The following DPH3 variants were observed in gnomAD, a reference collection of about 807,000 sequenced individuals.
DPH3 encodes the protein diphthamide biosynthesis protein 3.
Under a neutral mutation model 10.2 loss-of-function variants are expected in DPH3, and 8 were observed. The observed-to-expected ratio is 0.79, with a 90% CI of 0.46 to 1.42. The LOEUF is 1.42. Among genes scored for constraint, DPH3 ranks in the 40% most tolerant of loss-of-function variants. The pLI, the probability that DPH3 is intolerant of heterozygous loss-of-function variation, is 0.00. For synonymous variants in DPH3, 35 were observed against 35.6 expected, an observed-to-expected ratio of 0.98 and a Z score of 0.06; for missense variants, 96 against 98.9, an observed-to-expected ratio of 0.97 and a Z score of 0.12.
rs1396441984 is a variant in DPH3, at chr3:16,264,708, G to A, written c.108+61C>T. On this transcript the variant is annotated intron_variant, in intron 1 of 2. Coordinates refer to ENST00000488423, the MANE Select transcript of DPH3 (RefSeq NM_206831.3). ...AGCAAAGGCTACCCAATGATGGAAG[G>A]AACGGGCGGAACCAAACTGCGCTTG... 4.0e-6 allele frequency: 6 copies of A among 1,514,874 alleles called. No homozygotes were observed. In the East Asian group the frequency reaches 9.1e-5, roughly 23 times the overall value. 93.8% of individuals were successfully genotyped at this position (1,514,874 alleles called of 1,614,324 possible).
At position 16,260,261 on chromosome 3, in the gene DPH3, C is replaced by G. The variant is rs2064283977; in HGVS notation, c.*503G>C. On this transcript the variant is annotated 3_prime_UTR_variant, in exon 3 of 3. Coordinates refer to ENST00000488423, the MANE Select transcript of DPH3 (RefSeq NM_206831.3). ...CATTCTAATGGGAAAACTGAGGAGA[C>G]TGGCTTGGTATAGAAACTGGAAGTG... 1 of 154,570 alleles carries G rather than the reference C, an allele frequency of 6.5e-6. No individual in the cohort carries two copies. Among genetic ancestry groups the G allele is most frequent in the African/African-American group, 2.4e-5 (1 of 41,446 alleles). The allele number at this position is 154,570 out of a possible 1,614,324, so 9.6% of individuals were successfully genotyped here. A position where few individuals can be genotyped will look rare whatever the true frequency, so the allele number is the denominator to read the frequency against.
Position 16,257,345 on chromosome 3 carries a change from C to T in DPH3, c.*3419G>A, listed in dbSNP as rs2064256919. The stretch of plus-strand genomic sequence containing the variant: ...AGTCACCTGACCCAGTTACTCTCTC[C>T]CACATCACCTGGTTTGTTTCCTTGG... On this transcript the variant is annotated 3_prime_UTR_variant, in exon 3 of 3. Coordinates refer to ENST00000488423, the MANE Select transcript of DPH3 (RefSeq NM_206831.3). Among the ~76,000 whole-genome samples the T allele has an allele frequency of 6.6e-6, 1 of 152,224 alleles. No individual in the cohort carries two copies. Among genetic ancestry groups the T allele is most frequent in the African/African-American group, 2.4e-5 (1 of 41,464 alleles).
In DPH3 at chr3:16,258,643, G is replaced by A. The variant is rs145305695; in HGVS notation, c.*2121C>T. ...ATTAAAAGAAGATTTTTTAGAGACA[G>A]GGTCTTTCTATGTTGCCCAGGCTAG... On this transcript the variant is annotated 3_prime_UTR_variant, in exon 3 of 3. Coordinates refer to ENST00000488423, the MANE Select transcript of DPH3 (RefSeq NM_206831.3). 1 of 152,282 alleles carries A rather than the reference G, an allele frequency of 6.6e-6. No individual in the cohort carries two copies. The highest frequency in any genetic ancestry group is 2.4e-5 in the African/African-American group (1 of 41,532). 9.4% of individuals were successfully genotyped at this position (152,282 alleles called of 1,614,324 possible).
rs1422585541 is a variant in DPH3, at chr3:16,263,426, C to T, written c.183+729G>A. ...AGACCAGCACTCCTGATCTTCCTTA[C>T]CGTTTGCTTTCTGTTGCAGAGCACA... On this transcript the variant is annotated intron_variant, in intron 2 of 2. Coordinates refer to ENST00000488423, the MANE Select transcript of DPH3 (RefSeq NM_206831.3). The surrounding 1 kb of genome is among the most constrained non-coding windows in gnomAD (Gnocchi z 4.0). Among the ~76,000 whole-genome samples the T allele has an allele frequency of 6.6e-6, 1 of 152,180 alleles. No individual in the cohort carries two copies. Among genetic ancestry groups the T allele is most frequent in the East Asian group, 1.9e-4 (1 of 5,198 alleles).
rs375882429 is a variant in DPH3 at position 16,264,246 on chromosome 3, T to C, written c.109-17A>G. The C allele has an allele frequency of 8.8e-6, 14 of 1,593,238 alleles. No homozygotes were observed. The African/African-American group carries it at 1.9e-4, about 21-fold the overall frequency. On this transcript the variant is annotated splice_polypyrimidine_tract_variant and intron_variant, in intron 1 of 2. Transcript: ENST00000488423. ...CAAATCTTCCTACAACGAAATCAAA[T>C]ACCATGTGGTCAGGATAGCTTCTCT...
chr3:16,264,577 C>A lies in DPH3; in HGVS notation c.108+192G>T, dbSNP rs543661867. 4.8e-6 allele frequency: 3 copies of A among 629,400 alleles called. No individual in the cohort carries two copies. The East Asian group carries it at 8.3e-5, about 17-fold the overall frequency. 39.0% of individuals were successfully genotyped at this position (629,400 alleles called of 1,614,324 possible). On this transcript the variant is annotated intron_variant, in intron 1 of 2. Transcript: ENST00000488423. ...ACCCTCTCCCTGACCTAATCTAAGGCCAGAACTGCGTGCCTACCGAGAGAG... is the reference window on the plus strand; with the variant it reads ...ACCCTCTCCCTGACCTAATCTAAGGACAGAACTGCGTGCCTACCGAGAGAG...
Position 16,262,888 on chromosome 3 carries a change from C to T in DPH3, c.183+1267G>A, listed in dbSNP as rs533725674. On this transcript the variant is annotated intron_variant, in intron 2 of 2. Transcript: ENST00000488423. This position sits in a 1 kb window ranked among gnomAD's most constrained non-coding sequence, Gnocchi z 4.7. ...CCTATATCCAATCAGTTATTCAAAG[C>T]GTATCCAGAATCTAAGTACTTCTCA... Among the ~76,000 whole-genome samples the T allele has an allele frequency of 2.2e-4, 33 of 152,232 alleles. No homozygotes were observed. The highest frequency in any genetic ancestry group is 1.3e-3 in the Admixed American group (20 of 15,302).
In DPH3 at chr3:16,261,356, AG is replaced by A. The variant is rs1310730685; in HGVS notation, c.184-528del. ...CTACCACCAAAAATCTCTGCTTCCA[AG>A]GTTATCCCTCACCTCCAGCAATCTG... On this transcript the variant is annotated intron_variant, in intron 2 of 2. Transcript: ENST00000488423. This position sits in a 1 kb window ranked among gnomAD's most constrained non-coding sequence, Gnocchi z 7.1. Among the ~76,000 whole-genome samples, 1 of 152,168 alleles carries A rather than the reference AG, an allele frequency of 6.6e-6. No homozygotes were observed. The highest frequency in any genetic ancestry group is 1.5e-5 in the Non-Finnish European group (1 of 68,026).
In DPH3 at chr3:16,259,906, A is replaced by G. The variant is rs1329352965; in HGVS notation, c.*858T>C. The G allele has an allele frequency of 6.6e-6, 1 of 152,342 alleles. No individual in the cohort carries two copies. Among genetic ancestry groups the G allele is most frequent in the East Asian group, 1.9e-4 (1 of 5,186 alleles). The allele number at this position is 152,342 out of a possible 1,614,324, so 9.4% of individuals were successfully genotyped here. A position where few individuals can be genotyped will look rare whatever the true frequency, so the allele number is the denominator to read the frequency against. On this transcript the variant is annotated 3_prime_UTR_variant, in exon 3 of 3. Coordinates refer to ENST00000488423, the MANE Select transcript of DPH3 (RefSeq NM_206831.3). ...CATTAGCCTTATCAAAACACAAACAAAAACTCAGATACAGAAATATTACTT... is the reference window on the plus strand; with the variant it reads ...CATTAGCCTTATCAAAACACAAACAGAAACTCAGATACAGAAATATTACTT...
Position 16,259,019 on chromosome 3 carries a change from A to C in DPH3, c.*1745T>G, listed in dbSNP as rs1167803121. The C allele has an allele frequency of 6.6e-6, 1 of 152,206 alleles. No homozygotes were observed. The highest frequency in any genetic ancestry group is 6.5e-5 in the Admixed American group (1 of 15,284). The allele number at this position is 152,206 out of a possible 1,614,324, so 9.4% of individuals were successfully genotyped here. A position where few individuals can be genotyped will look rare whatever the true frequency, so the allele number is the denominator to read the frequency against. ...CTATGTTCTTAGCAAACCCACATCA[A>C]GGGTGTCTGTTCGTGTTTGAAACTC... On this transcript the variant is annotated 3_prime_UTR_variant, in exon 3 of 3. Transcript: ENST00000488423.
intron 1 of DPH3, 64 bp from the exon 2 acceptor site, chr3:16,264,293 C>CTAT: frequency 7.5e-7 from 1 of 1,330,982 alleles, no homozygotes; most frequent in Non-Finnish European, 1.0e-6. Context: ...TCCCCCAAAC[C>CTAT]TATCCCACCC....
At chr3:16,264,510 C>T (rs757815785) in intron 1 of DPH3, 2 of 569,866 alleles carry the variant, frequency 3.5e-6, no homozygotes, top group Non-Finnish European at 6.2e-6. Flanking sequence ...CAGGTTGGGA[C>T]CCTAAGGCAG....
rs1013198208 is a variant in DPH3, at chr3:16,262,628, A to G, written c.183+1527T>C. 6.6e-6 allele frequency among the ~76,000 whole-genome samples: 1 copy of G among 152,190 alleles called. No individual in the cohort carries two copies. Among genetic ancestry groups the G allele is most frequent in the African/African-American group, 2.4e-5 (1 of 41,442 alleles). The stretch of plus-strand genomic sequence containing the variant: ...ATCCAATCTCATGGCTCTAAATGCT[A>G]TCTGTTACTGATAACTCCCAAATTG... On this transcript the variant is annotated intron_variant, in intron 2 of 2. Transcript: ENST00000488423. The surrounding 1 kb of genome is among the most constrained non-coding windows in gnomAD (Gnocchi z 4.7).
intron 2 of DPH3, 114 bp downstream of exon 2, chr3:16,264,041 G>A: frequency 5.5e-6 from 3 of 547,330 alleles, no homozygotes; most frequent in South Asian, 6.9e-5. Flanking sequence ...AAAAAATACC[G>A]CACTTTACCT....
rs859703 is a variant in DPH3, at chr3:16,262,332, G to A, written c.184-1503C>T. On this transcript the variant is annotated intron_variant, in intron 2 of 2. Coordinates refer to ENST00000488423, the MANE Select transcript of DPH3 (RefSeq NM_206831.3). The surrounding 1 kb of genome is among the most constrained non-coding windows in gnomAD (Gnocchi z 4.7). The stretch of plus-strand genomic sequence containing the variant: ...CTCCATGGAAACTGCTCTCATCTCC[G>A]TCACAGATGAACTCAGTGTTGCTAA... 0.47 allele frequency among the ~76,000 whole-genome samples: 71,636 copies of A among 152,028 alleles called. 17,156 individuals are homozygous for A. The highest frequency in any genetic ancestry group is 0.55 in the African/African-American group (23,001 of 41,444).
In DPH3 at chr3:16,258,662, A is replaced by T. The variant is rs1168332666; in HGVS notation, c.*2102T>A. The stretch of plus-strand genomic sequence containing the variant: ...GAGACAGGGTCTTTCTATGTTGCCC[A>T]GGCTAGTCTTGAACTCCTGGCCTCA... On this transcript the variant is annotated 3_prime_UTR_variant, in exon 3 of 3. Coordinates refer to ENST00000488423, the MANE Select transcript of DPH3 (RefSeq NM_206831.3). 1 of 152,204 alleles carries T rather than the reference A, an allele frequency of 6.6e-6. No homozygotes were observed. Among genetic ancestry groups the T allele is most frequent in the Non-Finnish European group, 1.5e-5 (1 of 68,054 alleles). The allele number at this position is 152,204 out of a possible 1,614,324, so 9.4% of individuals were successfully genotyped here.
In DPH3 at chr3:16,262,773, T is replaced by C. The variant is rs1306309218; in HGVS notation, c.183+1382A>G. Reference sequence around the variant, plus strand: ...TGTACAATTTCAACCCCTATACCTATAGTTACATTCCCTCAATTGACAGTA... The same window carrying C: ...TGTACAATTTCAACCCCTATACCTACAGTTACATTCCCTCAATTGACAGTA... On this transcript the variant is annotated intron_variant, in intron 2 of 2. Transcript: ENST00000488423. This position sits in a 1 kb window ranked among gnomAD's most constrained non-coding sequence, Gnocchi z 4.7. 1.3e-5 allele frequency among the ~76,000 whole-genome samples: 2 copies of C among 152,206 alleles called. No homozygotes were observed. The highest frequency in any genetic ancestry group is 6.5e-5 in the Admixed American group (1 of 15,278).
In DPH3 at chr3:16,260,182, A is replaced by G. The variant is rs2124931736; in HGVS notation, c.*582T>C. The G allele has an allele frequency of 6.6e-6, 1 of 152,354 alleles. No homozygotes were observed. Among genetic ancestry groups the G allele is most frequent in the East Asian group, 1.9e-4 (1 of 5,194 alleles). 9.4% of individuals were successfully genotyped at this position (152,354 alleles called of 1,614,324 possible). On this transcript the variant is annotated 3_prime_UTR_variant, in exon 3 of 3. Transcript: ENST00000488423. ...ACTGTATTTTCTCTTTAATACTATG[A>G]CCAAACTCTCTGCATGAAGCATTAC...
chr3:16,260,684 G>C lies in DPH3; in HGVS notation c.*80C>G. 1 of 1,275,762 alleles carries C rather than the reference G, an allele frequency of 7.8e-7. No individual in the cohort carries two copies. The highest frequency in any genetic ancestry group is 1.1e-6 in the Non-Finnish European group (1 of 892,356). The allele number at this position is 1,275,762 out of a possible 1,614,324, so 79.0% of individuals were successfully genotyped here. ...CAGCAAATCATAAATGGTTGTCTCTGTGAAGCCAGTAGCTTTGCATTCGAT... is the reference window on the plus strand; with the variant it reads ...CAGCAAATCATAAATGGTTGTCTCTCTGAAGCCAGTAGCTTTGCATTCGAT... On this transcript the variant is annotated 3_prime_UTR_variant, in exon 3 of 3. Coordinates refer to ENST00000488423, the MANE Select transcript of DPH3 (RefSeq NM_206831.3).
Sources: allele counts gnomAD v4.1 joint callset (sites outside exome capture counted in the v4.1 genomes callset), GRCh38; gene constraint gnomAD v4.1.1; non-coding constraint Gnocchi (gnomAD v3.1); transcripts MANE v1.5; gene names NCBI Gene and HGNC (gene_info 2026-07-23, HGNC 2026-07-21).